Variants in VPS53 observed in about 807,000 individuals in gnomAD.
VPS53 encodes vacuolar protein sorting-associated protein 53 homolog.
In VPS53, 70 loss-of-function variants were observed where a neutral mutation model predicts 107.0. The ratio of observed to expected loss-of-function variants is 0.65; its 90% CI spans 0.54 to 0.80. The LOEUF (loss-of-function observed/expected upper bound fraction) is 0.80. VPS53 is among the 30% of genes least tolerant of loss of function. The pLI, the probability that VPS53 is intolerant of heterozygous loss-of-function variation, is 0.00. For synonymous variants in VPS53, 409 were observed against 393.3 expected (o/e 1.04, Z -0.47); for missense variants, 917 against 1,049.4 (o/e 0.87, Z 1.74).
intron 15 of VPS53, among the ~76,000 whole-genome samples, chr17:556,930 AG>A (rs1912471002): frequency 6.6e-6 from 1 of 151,744 alleles, no homozygotes; most frequent in African/African-American, 2.4e-5. Context: ...GGTGGCCAGG[AG>A]GGGCTCTCTG....
intron 18 of VPS53, among the ~76,000 whole-genome samples, chr17:533,391 G>A (rs566024037): frequency 9.8e-5 from 15 of 152,294 alleles, no homozygotes; most frequent in Non-Finnish European, 1.9e-4. Context: ...TTACAAGCGT[G>A]AGCCACTGGG....
chr17:578,270 T>C lies in VPS53; in HGVS notation c.1313+8000A>G, dbSNP rs147151891. ...AGATCCTCCCTCAGAATTTAATGCG[T>C]TCCCAGAGAAATTCTCTCAGAACCT... On this transcript the variant is annotated intron_variant, in intron 13 of 21. Transcript: ENST00000437048. Among the ~76,000 whole-genome samples, 6 of 151,864 alleles carry C rather than the reference T, an allele frequency of 4.0e-5. No homozygotes were observed. In the East Asian group the frequency reaches 1.2e-3, roughly 30 times the overall value.
At chr17:641,291 T>A (rs1970416297) in intron 7 of VPS53, among the ~76,000 whole-genome samples, 2 of 152,206 alleles carry the variant, frequency 1.3e-5, no homozygotes, top group African/African-American at 4.8e-5. Context: ...TGAATTTCAG[T>A]CTTTATAAGC....
intron 4 of VPS53, among the ~76,000 whole-genome samples, chr17:672,672 T>C (rs1325791999): frequency 6.6e-6 from 1 of 152,224 alleles, no homozygotes; most frequent in Non-Finnish European, 1.5e-5. Flanking sequence ...TTTTGTTCAT[T>C]CATTCAATTA....
chr17:688,346 G>A (rs949794138), intron 4 of VPS53, among the ~76,000 whole-genome samples: 4 of 152,270 alleles, frequency 2.6e-5, no homozygotes, highest in Non-Finnish European at 5.9e-5. Context: ...AGAAGGATGG[G>A]TTTGCTTCCC....
intron 13 of VPS53, among the ~76,000 whole-genome samples, chr17:565,403 CAAAAAAAAAAAA>C (rs535932031): frequency 2.4e-5 from 2 of 82,534 alleles, no homozygotes; most frequent in African/African-American, 4.7e-5. Flanking sequence ...AACCCCATCT[CAAAAAAAAAAAA>C]AAAAAAAAAA....
chr17:695,234 T>C (rs1972915634), intron 4 of VPS53, among the ~76,000 whole-genome samples: 1 of 152,076 alleles, frequency 6.6e-6, no homozygotes, highest in Admixed American at 6.6e-5. Flanking sequence ...CTCTGTAAAA[T>C]GAGGGGAGGG....
chr17:647,365 A>T (rs1294372896), intron 7 of VPS53, among the ~76,000 whole-genome samples: 10 of 152,204 alleles, frequency 6.6e-5, no homozygotes, highest in Admixed American at 5.2e-4. Context: ...GAAGGCAGAG[A>T]GTGTGTATTT....
At chr17:592,693 T>C (rs1967730011) in intron 12 of VPS53, among the ~76,000 whole-genome samples, 1 of 152,198 alleles carries the variant, frequency 6.6e-6, no homozygotes, top group Non-Finnish European at 1.5e-5. Flanking sequence ...GAAAATTCTT[T>C]TAAGAATGTT....
intron 19 of VPS53, 42 bp downstream of exon 19, chr17:532,800 C>T (rs775606427): frequency 2.5e-6 from 4 of 1,610,322 alleles, no homozygotes; most frequent in Non-Finnish European, 8.5e-7. Flanking sequence ...TGATCTACAA[C>T]AAAAGCTGCC....
intron 7 of VPS53, among the ~76,000 whole-genome samples, chr17:644,723 A>G (rs1381366788): frequency 2.0e-5 from 3 of 151,978 alleles, no homozygotes; most frequent in African/African-American, 7.3e-5. Context: ...AACTGGAACC[A>G]CAGGCACACA....
At chr17:526,245 A>G (rs925072901) in intron 19 of VPS53, among the ~76,000 whole-genome samples, 1 of 152,198 alleles carries the variant, frequency 6.6e-6, no homozygotes, top group Non-Finnish European at 1.5e-5. Flanking sequence ...ATCAGTCATT[A>G]TATTTTAAAG....
chr17:650,352 C>T (rs895362854), intron 7 of VPS53, among the ~76,000 whole-genome samples: 5 of 152,034 alleles, frequency 3.3e-5, no homozygotes, highest in Admixed American at 3.3e-4. Context: ...TAAAAATCAG[C>T]CAGGCATGGT....
chr17:686,387 C>T (rs1485104395), intron 4 of VPS53, among the ~76,000 whole-genome samples: 1 of 152,080 alleles, frequency 6.6e-6, no homozygotes, highest in African/African-American at 2.4e-5. Context: ...TATCTGCAGT[C>T]TCAAATTTCA....
chr17:544,405 C>T (rs1404806725), intron 17 of VPS53, among the ~76,000 whole-genome samples: 2 of 152,154 alleles, frequency 1.3e-5, no homozygotes, highest in East Asian at 3.9e-4. Context: ...TTTAGGAGGC[C>T]GAGGCTCTTC....
At chr17:606,705 C>A (rs1445615200) in intron 11 of VPS53, among the ~76,000 whole-genome samples, 2 of 152,174 alleles carry the variant, frequency 1.3e-5, no homozygotes, top group Non-Finnish European at 2.9e-5. Context: ...GTGAGCATGA[C>A]TGCCTGGGCT....
rs543425133 is a variant in VPS53 at position 534,181 on chromosome 17, C to A, written c.2016-1270G>T. Reference sequence around the variant, plus strand: ...ATGTCAGCTTGGTATCAGCACTTTACCAGGAAGTTAATATGTGACTTCTCA... The same window carrying A: ...ATGTCAGCTTGGTATCAGCACTTTAACAGGAAGTTAATATGTGACTTCTCA... On this transcript the variant is annotated intron_variant, in intron 18 of 21. Coordinates refer to ENST00000437048, the MANE Select transcript of VPS53 (RefSeq NM_001128159.3). Among the ~76,000 whole-genome samples the A allele has an allele frequency of 3.1e-4, 47 of 152,274 alleles. No homozygotes were observed. The South Asian group carries it at 9.8e-3, about 32-fold the overall frequency.
At chr17:662,834 AAAGGAAGGAAGGAAGG>A (rs796580340) in intron 4 of VPS53, among the ~76,000 whole-genome samples, 82 of 121,154 alleles carry the variant, frequency 6.8e-4, no homozygotes, top group African/African-American at 1.8e-3. Context: ...AAAGAGAAAG[AAAGGAAGGAAGGAAGG>A]AAGGAAGGAA....
intron 17 of VPS53, among the ~76,000 whole-genome samples, chr17:549,280 G>T (rs189003960): frequency 8.5e-5 from 13 of 152,320 alleles, no homozygotes; most frequent in African/African-American, 3.1e-4. Context: ...AATGTGTGTT[G>T]AATCAATTTG....
Sources: gnomAD v4.1 joint callset for allele counts (sites outside exome capture counted in the v4.1 genomes callset) on GRCh38, gnomAD v4.1.1 for gene constraint, MANE v1.5 for transcripts, NCBI Gene and HGNC (gene_info 2026-07-23, HGNC 2026-07-21) for gene names.